CNTNAP5: variants seen among roughly 807,000 people sequenced by gnomAD.
CNTNAP5 encodes contactin-associated protein-like 5.
CNTNAP5 carries 72 observed loss-of-function variants against 150.2 expected under a neutral mutation model. That is an observed-to-expected ratio of 0.48 (90% confidence interval 0.40 to 0.58). The LOEUF is 0.58. Ranked by LOEUF, CNTNAP5 falls within the 20% of genes least tolerant of loss-of-function variation. CNTNAP5 has a pLI of 0.00. For missense variants in CNTNAP5, 1,636 were observed against 1,626.2 expected, an observed-to-expected ratio of 1.01 and a Z score of -0.10; for synonymous variants, 672 against 619.8, an observed-to-expected ratio of 1.08 and a Z score of -1.25.
intron 7 of CNTNAP5, among the ~76,000 whole-genome samples, chr2:124,488,540 G>T (rs950420699): frequency 6.6e-6 from 1 of 152,082 alleles, no homozygotes; most frequent in Non-Finnish European, 1.5e-5. Context: ...TTTATATTTT[G>T]CTCTAATCAC....
intron 1 of CNTNAP5, among the ~76,000 whole-genome samples, chr2:124,146,826 A>G (rs1684265921): frequency 6.6e-6 from 1 of 152,164 alleles, no homozygotes. Flanking sequence ...TTTATTTGTA[A>G]AAGTGATATT....
At chr2:124,284,466 T>C (rs1013190047) in intron 3 of CNTNAP5, among the ~76,000 whole-genome samples, 12 of 151,806 alleles carry the variant, frequency 7.9e-5, no homozygotes, top group Non-Finnish European at 1.6e-4. Context: ...CTCAGGAGGA[T>C]GGGGGAAGGG....
chr2:124,895,368 G>A (rs1259393191), intron 21 of CNTNAP5, among the ~76,000 whole-genome samples: 1 of 151,498 alleles, frequency 6.6e-6, no homozygotes, highest in African/African-American at 2.4e-5. Context: ...GCTCACATCT[G>A]TAATCCCAGC....
At chr2:124,872,020 C>G (rs1298705389) in intron 21 of CNTNAP5, among the ~76,000 whole-genome samples, 1 of 151,962 alleles carries the variant, frequency 6.6e-6, no homozygotes, top group African/African-American at 2.4e-5. Flanking sequence ...CTTTTTATAG[C>G]TTTCATTCTT....
At chr2:124,882,235 T>C (rs1189891756) in intron 21 of CNTNAP5, among the ~76,000 whole-genome samples, 1 of 151,966 alleles carries the variant, frequency 6.6e-6, no homozygotes, top group Non-Finnish European at 1.5e-5. Context: ...GTGGTTTGAA[T>C]AGGTGAGGTT....
chr2:124,710,011 TA>T (rs1160049753), intron 13 of CNTNAP5, among the ~76,000 whole-genome samples: 1 of 145,800 alleles, frequency 6.9e-6, no homozygotes, highest in Non-Finnish European at 1.5e-5. Flanking sequence ...CCTACAAAAT[TA>T]CAAAAAAAGT....
At chr2:124,613,278 G>C (rs1004727962) in intron 12 of CNTNAP5, among the ~76,000 whole-genome samples, 9 of 152,264 alleles carry the variant, frequency 5.9e-5, no homozygotes, top group East Asian at 5.8e-4. Flanking sequence ...AAGAGAGTCA[G>C]GAAGAAGGGA....
chr2:124,370,673 T>C (rs1159895202), intron 3 of CNTNAP5, among the ~76,000 whole-genome samples: 1 of 152,160 alleles, frequency 6.6e-6, no homozygotes, highest in East Asian at 1.9e-4. Flanking sequence ...TATCACAATT[T>C]GATTTACCAG....
intron 10 of CNTNAP5, 55 bp downstream of exon 10, chr2:124,527,511 C>T (rs1473389874): frequency 7.0e-7 from 1 of 1,421,472 alleles, no homozygotes; most frequent in African/African-American, 1.4e-5. Context: ...TCTTACTGTT[C>T]TAAATATGAG....
At chr2:124,380,733 CAG>C (rs1690770307) in intron 3 of CNTNAP5, among the ~76,000 whole-genome samples, 1 of 152,116 alleles carries the variant, frequency 6.6e-6, no homozygotes, top group Admixed American at 6.6e-5. Flanking sequence ...GACAGCCAGT[CAG>C]TGAATATTCT....
At chr2:124,109,018 C>A (rs1357421585) in intron 1 of CNTNAP5, among the ~76,000 whole-genome samples, 1 of 152,052 alleles carries the variant, frequency 6.6e-6, no homozygotes, top group African/African-American at 2.4e-5. Flanking sequence ...TAAGTAGGAG[C>A]ATACATCCTG....
chr2:124,544,415 A>C (rs1024853484), intron 10 of CNTNAP5, among the ~76,000 whole-genome samples: 1 of 152,210 alleles, frequency 6.6e-6, no homozygotes, highest in African/African-American at 2.4e-5. Flanking sequence ...AATGGGGAAT[A>C]ATAGAAATAA....
intron 13 of CNTNAP5, among the ~76,000 whole-genome samples, chr2:124,654,022 A>G (rs982484659): frequency 6.6e-6 from 1 of 151,224 alleles, no homozygotes; most frequent in Non-Finnish European, 1.5e-5. Flanking sequence ...TGCATCTCAC[A>G]TGAGGTGGTG....
chr2:124,907,010 G>C (rs1211774580), intron 22 of CNTNAP5, among the ~76,000 whole-genome samples: 1 of 152,092 alleles, frequency 6.6e-6, no homozygotes, highest in Non-Finnish European at 1.5e-5. Flanking sequence ...CAATGGTTCA[G>C]GGAATTAGGG....
intron 21 of CNTNAP5, among the ~76,000 whole-genome samples, chr2:124,889,993 T>C (rs1434432445): frequency 1.3e-5 from 2 of 152,136 alleles, no homozygotes; most frequent in African/African-American, 4.8e-5. Flanking sequence ...TTGACTTATA[T>C]CTGTAAATTC....
intron 7 of CNTNAP5, among the ~76,000 whole-genome samples, chr2:124,491,212 T>C (rs1694016492): frequency 6.6e-6 from 1 of 152,102 alleles, no homozygotes; most frequent in African/African-American, 2.4e-5. Flanking sequence ...TTAACATCTC[T>C]CCATTTCTCT....
intron 3 of CNTNAP5, among the ~76,000 whole-genome samples, chr2:124,333,101 TAG>T (rs1328857595): frequency 4.6e-5 from 7 of 152,042 alleles, no homozygotes; most frequent in African/African-American, 1.7e-4. Context: ...TAAAACTCAC[TAG>T]TTTAAAAGGA....
chr2:124,692,664 C>T (rs1679322214), intron 13 of CNTNAP5, among the ~76,000 whole-genome samples: 1 of 152,064 alleles, frequency 6.6e-6, no homozygotes, highest in Non-Finnish European at 1.5e-5. Flanking sequence ...CTTTTTAGCT[C>T]CAGATTTTTT....
chr2:124,857,963 G>T (rs531727804), intron 19 of CNTNAP5, among the ~76,000 whole-genome samples: 5 of 152,176 alleles, frequency 3.3e-5, no homozygotes, highest in Non-Finnish European at 7.4e-5. Context: ...GAGTTGTCCT[G>T]TTCCAGAGAA....
Sources: gnomAD v4.1 joint callset for allele counts (sites outside exome capture counted in the v4.1 genomes callset) on GRCh38, gnomAD v4.1.1 for gene constraint, MANE v1.5 for transcripts, NCBI Gene and HGNC (gene_info 2026-07-23, HGNC 2026-07-21) for gene names.